The following UACA variants were observed in gnomAD, a reference collection of about 807,000 sequenced individuals.
UACA encodes the protein uveal autoantigen with coiled-coil domains and ankyrin repeats, also known as nuclear membrane binding protein.
In UACA, 112 loss-of-function variants were observed where a neutral mutation model predicts 160.5. The observed-to-expected ratio is 0.70, with a 90% confidence interval of 0.60 to 0.82. The LOEUF is 0.82. UACA is among the 40% of genes least tolerant of loss of function. The probability of loss-of-function intolerance (pLI) is 0.00; values close to 1 mark genes in which losing one functional copy is unlikely to be tolerated. For synonymous variants in UACA, 557 were observed against 568.4 expected (o/e 0.98, Z 0.29); for missense variants, 1,574 against 1,614.6 (o/e 0.97, Z 0.43).
At chr15:70,716,107 G>A (rs1251431162) in intron 1 of UACA, among the ~76,000 whole-genome samples, 1 of 152,142 alleles carries the variant, frequency 6.6e-6, no homozygotes, top group Non-Finnish European at 1.5e-5. Context: ...AATCCGGCCT[G>A]GACTTGTAAC....
intron 1 of UACA, among the ~76,000 whole-genome samples, chr15:70,700,301 G>A (rs1366053191): frequency 1.5e-5 from 2 of 129,882 alleles, no homozygotes; most frequent in Non-Finnish European, 3.2e-5. Flanking sequence ...GAGGCAAATT[G>A]TATATATATA....
upstream of UACA, among the ~76,000 whole-genome samples, chr15:70,767,253 AAAAC>A (rs2031034456): frequency 7.1e-6 from 1 of 141,272 alleles, no homozygotes; most frequent in African/African-American, 2.9e-5. Context: ...AAAAAAAAAA[AAAAC>A]AAAAAACAAA....
intron 1 of UACA, among the ~76,000 whole-genome samples, chr15:70,749,954 A>G (rs1728171931): frequency 6.6e-6 from 1 of 152,194 alleles, no homozygotes; most frequent in Non-Finnish European, 1.5e-5. Flanking sequence ...CAGCGTAATT[A>G]CCATTCAATC....
At chr15:70,712,603 A>C (rs1898716257) in intron 1 of UACA, among the ~76,000 whole-genome samples, 1 of 152,194 alleles carries the variant, frequency 6.6e-6, no homozygotes, top group African/African-American at 2.4e-5. Context: ...AACTCCCTGC[A>C]CAGTGCTGCC....
chr15:70,699,782 A>T, intron 1 of UACA, 122 bp from the exon 2 acceptor site: 1 of 1,126,614 alleles, frequency 8.9e-7, no homozygotes, highest in South Asian at 1.8e-5. Context: ...TTCCAGTTGC[A>T]TTCCAAATTT....
Position 70,671,066 on chromosome 15 carries a change from T to C in UACA, c.1194A>G (p.Gln398=). ...SNRKEDMLLK[Q]GQMYMADSQC... ...GTGAGTCTGCCATATACATCTGACC[T>C]TGTTTAAGAAGCATATCTTCTTTTC... is the stretch of plus-strand genomic sequence containing the variant. The change falls in exon 15 of 19, where the codon CAA becomes CAG. Residue 398 remains glutamine, a synonymous_variant. Coordinates refer to ENST00000322954, the MANE Select transcript of UACA (RefSeq NM_018003.4). 6.3e-7 allele frequency: 1 copy of C among 1,595,634 alleles called. No individual in the cohort carries two copies. The highest frequency in any genetic ancestry group is 1.1e-5 in the South Asian group (1 of 87,938).
chr15:70,770,938 A>C, the UACA span, among the ~76,000 whole-genome samples: 1 of 152,226 alleles, frequency 6.6e-6, no homozygotes, highest in Non-Finnish European at 1.5e-5. Context: ...GTCAAACCCC[A>C]GCTAAAACTA....
intron 1 of UACA, among the ~76,000 whole-genome samples, chr15:70,745,332 G>A (rs1159365459): frequency 6.6e-6 from 1 of 152,030 alleles, no homozygotes; most frequent in African/African-American, 2.4e-5. Flanking sequence ...CTACTTGGGA[G>A]GCTGAGGCAG....
upstream of UACA, among the ~76,000 whole-genome samples, chr15:70,767,267 AAACAAAAAC>A (rs1166531104): frequency 9.8e-3 from 1,373 of 140,564 alleles, 83 homozygotes; most frequent in African/African-American, 0.037. Context: ...CAAAAAACAA[AAACAAAAAC>A]AACAACAATA....
chr15:70,658,338 T>C (rs1414797003), intron 18 of UACA, among the ~76,000 whole-genome samples: 3 of 152,218 alleles, frequency 2.0e-5, no homozygotes, highest in East Asian at 1.9e-4. Flanking sequence ...GAAAGATTAC[T>C]AGAGAAGAAA....
chr15:70,703,298 C>A (rs1478697179), intron 1 of UACA: 1 of 1,281,832 alleles, frequency 7.8e-7, no homozygotes, highest in African/African-American at 1.5e-5. Flanking sequence ...AACATTCCAA[C>A]ACAAGTGTTT....
chr15:70,672,468 T>C (rs1897169623), intron 13 of UACA, among the ~76,000 whole-genome samples: 1 of 151,940 alleles, frequency 6.6e-6, no homozygotes, highest in Non-Finnish European at 1.5e-5. Flanking sequence ...ACCAAGTACT[T>C]TGAAAGTAAA....
intron 13 of UACA, among the ~76,000 whole-genome samples, chr15:70,675,012 C>A (rs1164548354): frequency 6.6e-6 from 1 of 152,104 alleles, no homozygotes; most frequent in Non-Finnish European, 1.5e-5. Flanking sequence ...TGTATATACT[C>A]CTAAATTTTC....
intron 1 of UACA, among the ~76,000 whole-genome samples, chr15:70,744,741 T>C (rs1482085826): frequency 6.6e-6 from 1 of 152,182 alleles, no homozygotes; most frequent in Non-Finnish European, 1.5e-5. Flanking sequence ...TTCAAAGTAA[T>C]TACAACTTAT....
chr15:70,721,028 A>C (rs899031570), intron 1 of UACA, among the ~76,000 whole-genome samples: 2 of 152,248 alleles, frequency 1.3e-5, no homozygotes, highest in Non-Finnish European at 2.9e-5. Context: ...CAAAGCCTAC[A>C]TGTGCCATAA....
chr15:70,684,568 A>G (rs1394679393), intron 7 of UACA, 122 bp from the exon 8 acceptor site: 14 of 954,976 alleles, frequency 1.5e-5, no homozygotes, highest in Non-Finnish European at 2.1e-5. Context: ...TATATATGCA[A>G]CACACACTGC....
At chr15:70,718,319 A>T (rs1327686838) in intron 1 of UACA, among the ~76,000 whole-genome samples, 8 of 93,942 alleles carry the variant, frequency 8.5e-5, no homozygotes, top group Non-Finnish European at 1.6e-4. Flanking sequence ...GGAGAGAGAG[A>T]GAGAATGTGT....
chr15:70,678,206 C>A lies in UACA; in HGVS notation c.892G>T (p.Asp298Tyr). ...AAATCTTCATTTTCAATCTCCAAAT[C>A]CTTAAATAATAAAGACAACAAGGTG... The part of the protein sequence containing the change: ...SHQREHQNIQ[D>Y]LEIENEDLKE... Residue 298 changes from aspartate to tyrosine, a missense_variant and splice_region_variant, in exon 11 of 19, where the codon GAT becomes TAT. Transcript: ENST00000322954. 4 of 1,600,240 alleles carry A rather than the reference C, an allele frequency of 2.5e-6. No homozygotes were observed. The highest frequency in any genetic ancestry group is 3.4e-6 in the Non-Finnish European group (4 of 1,175,126).
intron 1 of UACA, among the ~76,000 whole-genome samples, chr15:70,744,606 AG>A (rs535182516): frequency 1.2e-4 from 19 of 152,356 alleles, no homozygotes; most frequent in East Asian, 1.2e-3. Context: ...AAGGTAAGAC[AG>A]TCTGCAAGAG....
Sources: allele counts gnomAD v4.1 joint callset (sites outside exome capture counted in the v4.1 genomes callset), GRCh38; gene constraint gnomAD v4.1.1; transcripts MANE v1.5; gene names NCBI Gene and HGNC (gene_info 2026-07-23, HGNC 2026-07-21).